The following UBE2L6 variants were observed in gnomAD, a reference collection of about 807,000 sequenced individuals.
The protein encoded by UBE2L6 is ubiquitin conjugating enzyme E2 L6, also known as ubiquitin/ISG15-conjugating enzyme E2 L6.
Under a neutral mutation model 13.6 loss-of-function variants are expected in UBE2L6, and 11 were observed. The ratio of observed to expected loss-of-function variants is 0.81; its 90% confidence interval spans 0.51 to 1.34. The LOEUF (loss-of-function observed/expected upper bound fraction) is 1.34, where lower values mean the gene tolerates loss of function less well. Ranked by LOEUF, UBE2L6 falls within the 40% of genes most tolerant of loss-of-function variation. The pLI is 0.00. For synonymous variants in UBE2L6, 74 were observed against 83.2 expected, an observed-to-expected ratio of 0.89 and a Z score of 0.60; for missense variants, 197 against 199.5, an observed-to-expected ratio of 0.99 and a Z score of 0.07.
intron 1 of UBE2L6, among the ~76,000 whole-genome samples, chr11:57,561,400 A>G (rs890497214): frequency 2.6e-5 from 4 of 152,222 alleles, no homozygotes; most frequent in Admixed American, 2.6e-4. Context: ...TAACTGAGAC[A>G]GGACCCAGTC....
chr11:57,553,070 T>C (rs1030458984), intron 3 of UBE2L6, among the ~76,000 whole-genome samples: 1 of 152,216 alleles, frequency 6.6e-6, no homozygotes, highest in Non-Finnish European at 1.5e-5. Flanking sequence ...CCTAAGGACT[T>C]TCATTTCCTG....
intron 1 of UBE2L6, chr11:57,567,026 C>T (rs1425230494): frequency 2.2e-6 from 1 of 450,976 alleles, no homozygotes; most frequent in African/African-American, 2.1e-5. Flanking sequence ...AAGCCACCTA[C>T]TCCAGGAGGC....
intron 3 of UBE2L6, 59 bp downstream of exon 3, chr11:57,554,378 C>T: frequency 1.3e-6 from 2 of 1,566,174 alleles, no homozygotes; most frequent in Non-Finnish European, 1.7e-6. Flanking sequence ...GCTGTGAACC[C>T]CCTCTCCAGT....
At chr11:57,566,236 G>A in intron 1 of UBE2L6, among the ~76,000 whole-genome samples, 1 of 152,208 alleles carries the variant, frequency 6.6e-6, no homozygotes, top group Non-Finnish European at 1.5e-5. Context: ...CTTTCCCAAA[G>A]CCTGAGGAAG....
chr11:57,555,250 T>C (rs986357418), intron 2 of UBE2L6, among the ~76,000 whole-genome samples: 9 of 152,212 alleles, frequency 5.9e-5, no homozygotes, highest in African/African-American at 2.2e-4. Flanking sequence ...TGTCTATCAA[T>C]GGATCAATCA....
chr11:57,558,841 T>C (rs1590809274), intron 2 of UBE2L6, among the ~76,000 whole-genome samples: 1 of 152,222 alleles, frequency 6.6e-6, no homozygotes, highest in African/African-American at 2.4e-5. Flanking sequence ...ACCAGGCACC[T>C]TCAGGCCCCC....
Position 57,566,957 on chromosome 11 carries a change from C to A in UBE2L6, c.27+628G>T, listed in dbSNP as rs4939151. On this transcript the variant is annotated intron_variant, in intron 1 of 3. Coordinates refer to ENST00000287156, the MANE Select transcript of UBE2L6 (RefSeq NM_004223.5). ...TGTTCATCTCTGCCCGCCCCCCCCC[C>A]CCTCCTAGAACAGGGCCAGCACATG... The A allele has an allele frequency of 9.1e-5, 20 of 220,258 alleles. 2 individuals carry two copies. Among genetic ancestry groups the A allele is most frequent in the South Asian group, 2.8e-4 (9 of 32,332 alleles). 13.6% of individuals were successfully genotyped at this position (220,258 alleles called of 1,614,324 possible). A position where few individuals can be genotyped will look rare whatever the true frequency, so the allele number is the denominator to read the frequency against.
chr11:57,567,704 C>A (rs1214182152), upstream of UBE2L6: 2 of 1,462,332 alleles, frequency 1.4e-6, no homozygotes, highest in Non-Finnish European at 1.9e-6. Flanking sequence ...GGGACCCCAC[C>A]CCCGGCAGCC....
intron 1 of UBE2L6, 61 bp downstream of exon 1, chr11:57,567,524 G>A: frequency 6.3e-7 from 1 of 1,588,256 alleles, no homozygotes. Flanking sequence ...GGGATGGAGG[G>A]AGGAGGGAAT....
intron 2 of UBE2L6, among the ~76,000 whole-genome samples, chr11:57,558,751 A>G (rs1945015897): frequency 6.6e-6 from 1 of 152,186 alleles, no homozygotes; most frequent in South Asian, 2.1e-4. Flanking sequence ...GCCTTTGAGG[A>G]GGAATTTGTG....
intron 2 of UBE2L6, 122 bp from the exon 3 acceptor site, chr11:57,554,745 G>A: frequency 3.0e-6 from 3 of 1,003,890 alleles, no homozygotes; most frequent in Non-Finnish European, 4.5e-6. Flanking sequence ...GACACACACA[G>A]CACCTGCATT....
At chr11:57,564,695 C>T (rs1945072821) in intron 1 of UBE2L6, among the ~76,000 whole-genome samples, 1 of 151,808 alleles carries the variant, frequency 6.6e-6, no homozygotes, top group South Asian at 2.1e-4. Flanking sequence ...CCCAGCTACT[C>T]GGGAGGCTGA....
chr11:57,564,019 G>A (rs1361727146), intron 1 of UBE2L6, among the ~76,000 whole-genome samples: 1 of 152,232 alleles, frequency 6.6e-6, no homozygotes, highest in African/African-American at 2.4e-5. Flanking sequence ...GAGAGAGACA[G>A]GGCTAGAAAG....
chr11:57,567,829 G>C (rs1483565381), upstream of UBE2L6: 6 of 500,358 alleles, frequency 1.2e-5, no homozygotes, highest in Middle Eastern at 1.1e-3. Context: ...CCGCGCGGAA[G>C]GCTCGGACCC....
At chr11:57,556,592 CAAAAAAAAAAAAA>C (rs368936864) in intron 2 of UBE2L6, among the ~76,000 whole-genome samples, 4 of 73,718 alleles carry the variant, frequency 5.4e-5, no homozygotes, top group African/African-American at 1.2e-4. Context: ...AACTCCGTCT[CAAAAAAAAAAAAA>C]AAAAAAAAAA....
At chr11:57,566,668 T>G (rs1590812351) in intron 1 of UBE2L6, among the ~76,000 whole-genome samples, 1 of 152,194 alleles carries the variant, frequency 6.6e-6, no homozygotes, top group Admixed American at 6.5e-5. Context: ...CATCCCAGTC[T>G]GAGGCCATTT....
At chr11:57,554,331 T>A in intron 3 of UBE2L6, 106 bp downstream of exon 3, 1 of 1,380,074 alleles carries the variant, frequency 7.2e-7, no homozygotes, top group Non-Finnish European at 9.9e-7. Flanking sequence ...TCACAATTTT[T>A]ATCTCCTCTC....
At chr11:57,557,637 G>A (rs1222062050) in intron 2 of UBE2L6, among the ~76,000 whole-genome samples, 2 of 151,980 alleles carry the variant, frequency 1.3e-5, no homozygotes, top group African/African-American at 2.4e-5. Context: ...CAGGTGATCC[G>A]CCCTCCTCGG....
At chr11:57,557,080 A>AG (rs1338538371) in intron 2 of UBE2L6, among the ~76,000 whole-genome samples, 1 of 151,578 alleles carries the variant, frequency 6.6e-6, no homozygotes, top group African/African-American at 2.4e-5. Flanking sequence ...AAAAAAAAAA[A>AG]AGGAAAGAAA....
Sources: gnomAD v4.1 joint callset for allele counts (sites outside exome capture counted in the v4.1 genomes callset) on GRCh38, gnomAD v4.1.1 for gene constraint, MANE v1.5 for transcripts, NCBI Gene and HGNC (gene_info 2026-07-23, HGNC 2026-07-21) for gene names.